Variants in STK3 observed in about 807,000 individuals in gnomAD.
The protein encoded by STK3 is serine/threonine kinase 3, also known as serine/threonine-protein kinase 3.
In STK3, 41 loss-of-function variants were observed where a neutral mutation model predicts 58.0. The observed-to-expected ratio is 0.71, with a 90% confidence interval of 0.55 to 0.92. The LOEUF is 0.92. STK3 is among the 40% of genes least tolerant of loss of function. The pLI is 0.00. For synonymous variants in STK3, 170 were observed against 191.0 expected, an observed-to-expected ratio of 0.89 and a Z score of 0.91; for missense variants, 479 against 602.7, an observed-to-expected ratio of 0.79 and a Z score of 2.15.
At chr8:98,647,572 G>T (rs1304750325) in intron 6 of STK3, among the ~76,000 whole-genome samples, 1 of 152,074 alleles carries the variant, frequency 6.6e-6, no homozygotes, top group Non-Finnish European at 1.5e-5. Context: ...TTGAGACAGG[G>T]TCTCATTCTG....
chr8:98,936,139 C>T (rs1564115109), intron 1 of STK3, among the ~76,000 whole-genome samples: 2 of 152,032 alleles, frequency 1.3e-5, no homozygotes, highest in East Asian at 1.9e-4. Flanking sequence ...AGGATGGTCT[C>T]GATCTCCTAA....
intron 6 of STK3, among the ~76,000 whole-genome samples, chr8:98,636,796 TTAAA>T (rs1386426934): frequency 6.6e-6 from 1 of 152,110 alleles, no homozygotes; most frequent in Non-Finnish European, 1.5e-5. Flanking sequence ...AAAATGAAAT[TTAAA>T]TATGTCAGCT....
chr8:98,757,067 G>A (rs1295217768), intron 3 of STK3, among the ~76,000 whole-genome samples: 1 of 152,066 alleles, frequency 6.6e-6, no homozygotes, highest in East Asian at 1.9e-4. Flanking sequence ...TCCCCGTGGA[G>A]CCCCTGTGAC....
In STK3 at chr8:98,490,687, G is replaced by A. The variant is rs547095728; in HGVS notation, c.1318-34687C>T. 6.6e-5 allele frequency among the ~76,000 whole-genome samples: 10 copies of A among 152,218 alleles called. No homozygotes were observed. The South Asian group carries it at 1.9e-3, about 28-fold the overall frequency. On this transcript the variant is annotated intron_variant, in intron 10 of 10. Transcript: ENST00000419617. ...CATTAAACGGATGGTTCTCAAAACTGGTGAGTCACTGGAATTACATGGGAG... is the reference window on the plus strand; with the variant it reads ...CATTAAACGGATGGTTCTCAAAACTAGTGAGTCACTGGAATTACATGGGAG...
intron 8 of STK3, among the ~76,000 whole-genome samples, chr8:98,569,627 G>A (rs369137944): frequency 1.7e-3 from 262 of 152,098 alleles, no homozygotes; most frequent in African/African-American, 6.0e-3. Flanking sequence ...TAACAAAAAC[G>A]GAGACAATTA....
intron 6 of STK3, among the ~76,000 whole-genome samples, chr8:98,680,256 T>C (rs1450227989): frequency 6.6e-6 from 1 of 151,694 alleles, no homozygotes; most frequent in Non-Finnish European, 1.5e-5. Context: ...ATGGAGGCAA[T>C]CAGAAGAAAT....
intron 8 of STK3, among the ~76,000 whole-genome samples, chr8:98,565,312 A>G (rs1270608714): frequency 6.6e-6 from 1 of 152,180 alleles, no homozygotes; most frequent in Admixed American, 6.6e-5. Flanking sequence ...CACAAAGAGA[A>G]AGCTCAAATG....
At chr8:98,521,127 C>G (rs564532508) in intron 10 of STK3, among the ~76,000 whole-genome samples, 1 of 152,272 alleles carries the variant, frequency 6.6e-6, no homozygotes, top group East Asian at 1.9e-4. Flanking sequence ...TTGAGCAGTT[C>G]CAGTTGACAG....
chr8:98,620,320 G>A (rs1472203040), intron 6 of STK3, among the ~76,000 whole-genome samples: 1 of 122,468 alleles, frequency 8.2e-6, no homozygotes. Flanking sequence ...CTGTGGTGGG[G>A]TGAGGGGAGG....
At chr8:98,622,101 TAAAAAAA>T (rs35431395) in intron 6 of STK3, among the ~76,000 whole-genome samples, 1 of 91,386 alleles carries the variant, frequency 1.1e-5, no homozygotes, top group Non-Finnish European at 2.2e-5. Context: ...CTGTCTCTAC[TAAAAAAA>T]AAAAAAAAAA....
chr8:98,347,707 G>A, the STK3 span, among the ~76,000 whole-genome samples: 1 of 152,136 alleles, frequency 6.6e-6, no homozygotes, highest in African/African-American at 2.4e-5. Context: ...GAGATTGTCA[G>A]AGTGGATAAA....
chr8:98,596,136 T>G lies in STK3; in HGVS notation c.718A>C (p.Thr240Pro). ...GACCAAAGTTCTGGCTTTCTGAATG[T>G]TGGTGGTGGATTTGTGGGAATCATA... is the stretch of plus-strand genomic sequence containing the variant. ...IFMIPTNPPP[T>P]FRKPELWSDD... The change falls in exon 7 of 11, where the codon ACA becomes CCA. Residue 240 changes from threonine to proline, a missense_variant. This residue lies in a region of STK3 where 309 missense variants were observed against 355.7 expected (regional missense o/e 0.87). Coordinates refer to ENST00000419617, the MANE Select transcript of STK3 (RefSeq NM_006281.4). 1 of 1,613,074 alleles carries G rather than the reference T, an allele frequency of 6.2e-7. No homozygotes were observed. The highest frequency in any genetic ancestry group is 8.5e-7 in the Non-Finnish European group (1 of 1,179,508).
intron 6 of STK3, among the ~76,000 whole-genome samples, chr8:98,652,034 A>C (rs1382063764): frequency 6.6e-6 from 1 of 152,160 alleles, no homozygotes; most frequent in Non-Finnish European, 1.5e-5. Flanking sequence ...TAATTGTCAG[A>C]TTCACCAAAG....
chr8:98,710,953 C>G (rs567883779), intron 4 of STK3, among the ~76,000 whole-genome samples: 1 of 152,164 alleles, frequency 6.6e-6, no homozygotes, highest in Non-Finnish European at 1.5e-5. Flanking sequence ...TCCAGAGGAA[C>G]GATCAGGCAG....
intron 9 of STK3, among the ~76,000 whole-genome samples, chr8:98,545,284 G>C (rs1810608159): frequency 6.6e-6 from 1 of 152,202 alleles, no homozygotes; most frequent in African/African-American, 2.4e-5. Flanking sequence ...AATGGCTAGT[G>C]CCAGACTGTG....
chr8:98,903,731 G>A (rs1012646019), intron 1 of STK3, among the ~76,000 whole-genome samples: 22 of 151,774 alleles, frequency 1.4e-4, no homozygotes, highest in African/African-American at 5.3e-4. Context: ...CAGAAGGTAT[G>A]GAAACTAATG....
At chr8:98,759,282 A>G (rs910841290) in intron 3 of STK3, among the ~76,000 whole-genome samples, 7 of 152,200 alleles carry the variant, frequency 4.6e-5, no homozygotes, top group Non-Finnish European at 8.8e-5. Context: ...GGACCATTGT[A>G]GAATTACTAA....
intron 8 of STK3, among the ~76,000 whole-genome samples, chr8:98,556,273 T>TAG (rs1378878685): frequency 6.6e-6 from 1 of 152,080 alleles, no homozygotes; most frequent in Non-Finnish European, 1.5e-5. Flanking sequence ...AGGTGCCTGA[T>TAG]AGAAACAAAT....
At chr8:98,893,486 G>GAAAGAGAAAGAAAGAGAGAA (rs776247646) in intron 1 of STK3, among the ~76,000 whole-genome samples, 12 of 43,030 alleles carry the variant, frequency 2.8e-4, no homozygotes, top group African/African-American at 1.2e-3. Context: ...AAGAAAGAAA[G>GAAAGAGAAAGAAAGAGAGAA]AGAAAGAAAG....
Sources: gnomAD v4.1 joint callset for allele counts (sites outside exome capture counted in the v4.1 genomes callset) on GRCh38, gnomAD v4.1.1 for gene constraint, gnomAD v4.1.1 regional missense constraint, MANE v1.5 for transcripts, NCBI Gene and HGNC (gene_info 2026-07-23, HGNC 2026-07-21) for gene names.